Variants in PLCB4 observed in about 807,000 individuals in gnomAD.
The protein encoded by PLCB4 is 1-phosphatidylinositol 4,5-bisphosphate phosphodiesterase beta-4.
PLCB4 carries 77 observed loss-of-function variants against 178.8 expected under a neutral mutation model. That is an observed-to-expected ratio of 0.43 (90% CI 0.36 to 0.52). The LOEUF is 0.52. Ranked by LOEUF, PLCB4 falls within the 20% of genes least tolerant of loss-of-function variation. PLCB4 has a pLI of 0.00. For missense variants in PLCB4, 1,024 were observed against 1,453.4 expected (o/e 0.70, Z 4.80); for synonymous variants, 496 against 490.8 (o/e 1.01, Z -0.14).
intron 35 of PLCB4, among the ~76,000 whole-genome samples, 178 bp from the exon 36 acceptor site, chr20:9,468,393 T>C (rs1242928254): frequency 1.3e-5 from 2 of 152,198 alleles, no homozygotes; most frequent in African/African-American, 2.4e-5. Flanking sequence ...ATATAAAATG[T>C]AAACTTTACT....
Position 9,111,122 on chromosome 20 carries a change from A to G in PLCB4, c.-79+14780A>G, listed in dbSNP as rs184470381. Among the ~76,000 whole-genome samples, 47 of 152,238 alleles carry G rather than the reference A, an allele frequency of 3.1e-4. No individual in the cohort carries two copies. In the East Asian group the frequency reaches 7.2e-3, roughly 23 times the overall value. ...CCAGATTGAACGATGTTAGACTTAG[A>G]TTTGTCACAGACACCCCCCTCAGGG... On this transcript the variant is annotated intron_variant, in intron 2 of 39. Transcript: ENST00000378473.
chr20:9,168,152 G>A (rs1445529972), intron 2 of PLCB4, among the ~76,000 whole-genome samples: 1 of 152,156 alleles, frequency 6.6e-6, no homozygotes, highest in Non-Finnish European at 1.5e-5. Context: ...CAAAGATACA[G>A]AGAATATTTC....
intron 3 of PLCB4, among the ~76,000 whole-genome samples, chr20:9,282,158 A>G (rs2094499998): frequency 1.3e-5 from 2 of 152,024 alleles, no homozygotes. Flanking sequence ...CAACTTTGTT[A>G]TCACAGGGCA....
At chr20:9,114,137 C>G (rs2091697408) in intron 2 of PLCB4, among the ~76,000 whole-genome samples, 1 of 152,066 alleles carries the variant, frequency 6.6e-6, no homozygotes. Context: ...TTGCTTGAAC[C>G]CGGGAGGCAG....
Position 9,099,585 on chromosome 20 carries a change from G to GT in PLCB4, c.-79+3255dup, listed in dbSNP as rs1305012404. Reference sequence around the variant, plus strand: ...TAGAACATTATCATCATCATAGAAAGTTTTTTTTTTTTACAGTGCTGGGGA... The same window carrying GT: ...TAGAACATTATCATCATCATAGAAAGTTTTTTTTTTTTTACAGTGCTGGGGA... On this transcript the variant is annotated intron_variant, in intron 2 of 39. Coordinates refer to ENST00000378473, the MANE Select transcript of PLCB4 (RefSeq NM_001377142.1). 7.5e-3 allele frequency among the ~76,000 whole-genome samples: 1,100 copies of GT among 146,646 alleles called. 8 individuals are homozygous for GT. The highest frequency in any genetic ancestry group is 0.022 in the African/African-American group (868 of 40,302).
chr20:9,305,325 C>G (rs891414190), intron 3 of PLCB4, among the ~76,000 whole-genome samples: 2 of 151,604 alleles, frequency 1.3e-5, no homozygotes, highest in Non-Finnish European at 2.9e-5. Context: ...TTTTAATTTT[C>G]TATAGGAGAA....
At chr20:9,188,223 C>T (rs1044564634) in intron 2 of PLCB4, among the ~76,000 whole-genome samples, 1 of 152,132 alleles carries the variant, frequency 6.6e-6, no homozygotes, top group African/African-American at 2.4e-5. Flanking sequence ...GATGGAAAGC[C>T]AGGGAAATTG....
chr20:9,159,613 T>C (rs1568863197), intron 2 of PLCB4, among the ~76,000 whole-genome samples: 1 of 152,182 alleles, frequency 6.6e-6, no homozygotes, highest in Admixed American at 6.5e-5. Flanking sequence ...AATTTCCCTG[T>C]ATTCTGATTA....
chr20:9,375,962 C>CT (rs1309052089), intron 12 of PLCB4, among the ~76,000 whole-genome samples: 1 of 152,130 alleles, frequency 6.6e-6, no homozygotes, highest in African/African-American at 2.4e-5. Context: ...TCCTTTCACT[C>CT]TTTCTATGAA....
At position 9,219,069 on chromosome 20, in the gene PLCB4, G is replaced by C. The variant is rs138873620; in HGVS notation, c.-16+1617G>C. The stretch of plus-strand genomic sequence containing the variant: ...TATTGAATATAAACACTTGATTCAA[G>C]AGTCCAAAAAAAGAACCCCAGCAGA... On this transcript the variant is annotated intron_variant, in intron 3 of 39. Transcript: ENST00000378473. Among the ~76,000 whole-genome samples, 431 of 152,224 alleles carry C rather than the reference G, an allele frequency of 2.8e-3. 1 individual carries two copies. Among genetic ancestry groups the C allele is most frequent in the African/African-American group, 0.01 (420 of 41,542 alleles).
In PLCB4 at chr20:9,453,446, G is replaced by A; in HGVS notation, c.2980G>A (p.Ala994Thr). The A allele has an allele frequency of 6.3e-7, 1 of 1,593,802 alleles. No individual in the cohort carries two copies. The highest frequency in any genetic ancestry group is 1.1e-5 in the South Asian group (1 of 90,674). Residue 994 changes from alanine to threonine, a missense_variant, in exon 33 of 40, where the codon GCA (alanine) becomes ACA (threonine). Ala to Thr is a moderately conservative substitution (Grantham distance 58). Transcript: ENST00000378473. ...KSTHEKILEK[A>T]MKKKGGSNCL... ...GACTCATGAGAAAATCCTAGAGAAG[G>A]CAATGAAGAAGAAGGGGTAATACTG...
At chr20:9,323,801 T>C (rs1568586645) in intron 4 of PLCB4, among the ~76,000 whole-genome samples, 1 of 152,162 alleles carries the variant, frequency 6.6e-6, no homozygotes, top group Non-Finnish European at 1.5e-5. Flanking sequence ...ACCGGGCCTT[T>C]CCTGCCCAAG....
chr20:9,096,423 G>A (rs2090912455), intron 2 of PLCB4, 81 bp downstream of exon 2: 1 of 152,156 alleles, frequency 6.6e-6, no homozygotes, highest in East Asian at 1.9e-4. Flanking sequence ...TAATCGAGAA[G>A]CAATTTTTTA....
At chr20:9,093,071 C>T (rs952819074) in intron 1 of PLCB4, among the ~76,000 whole-genome samples, 34 of 152,132 alleles carry the variant, frequency 2.2e-4, no homozygotes, top group African/African-American at 8.2e-4. Context: ...GTATTAGATG[C>T]TACTTCATTC....
chr20:9,133,011 G>T (rs1487067844), intron 2 of PLCB4, among the ~76,000 whole-genome samples: 1 of 152,124 alleles, frequency 6.6e-6, no homozygotes, highest in Non-Finnish European at 1.5e-5. Context: ...AGCCCAAAAT[G>T]TCAGTAGTGC....
At chr20:9,434,751 C>T (rs555524714) in intron 28 of PLCB4, among the ~76,000 whole-genome samples, 5 of 152,136 alleles carry the variant, frequency 3.3e-5, no homozygotes, top group South Asian at 2.1e-4. Context: ...TTATGTGCCC[C>T]GTGTACTGAG....
intron 4 of PLCB4, among the ~76,000 whole-genome samples, chr20:9,308,168 C>T (rs1265149665): frequency 1.3e-5 from 2 of 152,030 alleles, no homozygotes; most frequent in Non-Finnish European, 1.5e-5. Context: ...AAGGTTGTTG[C>T]TATTAATATT....
At chr20:9,403,492 G>C (rs1273195010) in intron 20 of PLCB4, among the ~76,000 whole-genome samples, 1 of 152,156 alleles carries the variant, frequency 6.6e-6, no homozygotes, top group African/African-American at 2.4e-5. Context: ...ATTTAACAGA[G>C]TTTAGTTGAG....
At position 9,352,026 on chromosome 20, in the gene PLCB4, A is replaced by T. The variant is rs534989428; in HGVS notation, c.370-10870A>T. Among the ~76,000 whole-genome samples, 4 of 152,376 alleles carry T rather than the reference A, an allele frequency of 2.6e-5. No individual in the cohort carries two copies. The South Asian group carries it at 8.3e-4, about 32-fold the overall frequency. On this transcript the variant is annotated intron_variant, in intron 7 of 39. Coordinates refer to ENST00000378473, the MANE Select transcript of PLCB4 (RefSeq NM_001377142.1). ...GTTGAGTCCAAAAGTAATGCTGTCAAAAAACTGATGGTTGCTGACTGGCTT... is the reference window on the plus strand; with the variant it reads ...GTTGAGTCCAAAAGTAATGCTGTCATAAAACTGATGGTTGCTGACTGGCTT...
Sources: allele counts gnomAD v4.1 joint callset (sites outside exome capture counted in the v4.1 genomes callset), GRCh38; gene constraint gnomAD v4.1.1; transcripts MANE v1.5; gene names NCBI Gene and HGNC (gene_info 2026-07-23, HGNC 2026-07-21).